Variants in EXOC6B observed in about 807,000 individuals in gnomAD.
EXOC6B encodes SEC15 homolog B.
EXOC6B carries 54 observed loss-of-function variants against 113.5 expected under a neutral mutation model. The ratio of observed to expected loss-of-function variants is 0.48; its 90% CI spans 0.38 to 0.60. The LOEUF (loss-of-function observed/expected upper bound fraction) is 0.60. Among genes scored for constraint, EXOC6B ranks in the 20% least tolerant of loss-of-function variants. The pLI is 0.00. For missense variants in EXOC6B, 797 were observed against 977.5 expected (o/e 0.82, Z 2.46); for synonymous variants, 357 against 339.0 (o/e 1.05, Z -0.58).
At chr2:72,392,099 GTCCTGGT>G (rs1292291223) in intron 18 of EXOC6B, among the ~76,000 whole-genome samples, 1 of 152,034 alleles carries the variant, frequency 6.6e-6, no homozygotes, top group African/African-American at 2.4e-5. Context: ...GGCTGTGCAG[GTCCTGGT>G]TCCTCATTTC....
chr2:72,735,212 C>G (rs1253653372), intron 2 of EXOC6B, among the ~76,000 whole-genome samples: 1 of 152,144 alleles, frequency 6.6e-6, no homozygotes, highest in African/African-American at 2.4e-5. Flanking sequence ...GCAACATTAT[C>G]TACTAGAGTA....
intron 17 of EXOC6B, among the ~76,000 whole-genome samples, chr2:72,466,355 A>G (rs1179449964): frequency 6.6e-6 from 1 of 151,318 alleles, no homozygotes; most frequent in Non-Finnish European, 1.5e-5. Flanking sequence ...AAAAAAAAAA[A>G]AAAAAGAAAA....
intron 18 of EXOC6B, among the ~76,000 whole-genome samples, chr2:72,456,076 T>C (rs898351695): frequency 2.0e-5 from 3 of 152,146 alleles, no homozygotes; most frequent in African/African-American, 7.2e-5. Context: ...TGACTGTCCG[T>C]ATATCATAGA....
chr2:72,803,485 T>C (rs1179962477), intron 1 of EXOC6B, among the ~76,000 whole-genome samples: 1 of 152,166 alleles, frequency 6.6e-6, no homozygotes, highest in Non-Finnish European at 1.5e-5. Flanking sequence ...TAAGGCTTCA[T>C]TTACGAAATT....
Position 72,575,493 on chromosome 2 carries a change from T to C in EXOC6B, c.845A>G (p.Glu282Gly). 1.9e-6 allele frequency: 3 copies of C among 1,604,526 alleles called. No homozygotes were observed. The highest frequency in any genetic ancestry group is 1.1e-5 in the South Asian group (1 of 88,830). ...TTCCCAACATCAAATGTTACTTACC[T>C]CTTCATCATCTTCCTCGTCTTCAAC... ...LDVEDEEDDE[E>G]VPGAQDLVDF... Residue 282 changes from glutamate to glycine, a missense_variant and splice_region_variant, in exon 7 of 22, where the codon GAG (glutamate) becomes GGG (glycine). By Grantham distance (98) the Glu-to-Gly change is moderately conservative. Transcript: ENST00000272427.
intron 18 of EXOC6B, among the ~76,000 whole-genome samples, chr2:72,444,192 C>A (rs771883740): frequency 6.6e-6 from 1 of 152,230 alleles, no homozygotes; most frequent in Non-Finnish European, 1.5e-5. Context: ...TCCAGCAGGG[C>A]AGTCAAATCT....
At chr2:72,393,579 G>T (rs1183199365) in intron 18 of EXOC6B, among the ~76,000 whole-genome samples, 1 of 152,092 alleles carries the variant, frequency 6.6e-6, no homozygotes, top group East Asian at 1.9e-4. Flanking sequence ...TGATACCATG[G>T]TATCACAATT....
In EXOC6B at chr2:72,797,839, TAA is replaced by T. The variant is rs200772111; in HGVS notation, c.113+27957_113+27958del. 4.5e-3 allele frequency among the ~76,000 whole-genome samples: 595 copies of T among 130,938 alleles called. 5 individuals are homozygous for T. Among genetic ancestry groups the T allele is most frequent in the African/African-American group, 0.015 (568 of 37,954 alleles). The allele number at this position is 130,938 out of a possible 152,430, so 85.9% of individuals were successfully genotyped here. On this transcript the variant is annotated intron_variant, in intron 1 of 21. Transcript: ENST00000272427. ...ATTAATTAATTAATTAATTAATTAA[TAA>T]TAATAATTATCAGCATATGAAGAAT...
At chr2:72,779,871 A>G (rs1165527139) in intron 1 of EXOC6B, among the ~76,000 whole-genome samples, 2 of 152,232 alleles carry the variant, frequency 1.3e-5, no homozygotes, top group African/African-American at 4.8e-5. Context: ...TCATGGGAAA[A>G]GTCCATTTTA....
intron 20 of EXOC6B, among the ~76,000 whole-genome samples, chr2:72,230,937 T>C (rs1422570644): frequency 2.6e-5 from 4 of 152,188 alleles, no homozygotes; most frequent in African/African-American, 7.2e-5. Flanking sequence ...TGGAGAACAG[T>C]AGTTTTAAAA....
intron 20 of EXOC6B, among the ~76,000 whole-genome samples, chr2:72,236,697 A>C (rs1681978665): frequency 6.6e-6 from 1 of 152,122 alleles, no homozygotes; most frequent in South Asian, 2.1e-4. Context: ...CTTGAAAGAC[A>C]TGGTTATTTT....
At chr2:72,413,343 T>G (rs998081339) in intron 18 of EXOC6B, among the ~76,000 whole-genome samples, 3 of 151,910 alleles carry the variant, frequency 2.0e-5, no homozygotes, top group Non-Finnish European at 2.9e-5. Context: ...TGCCCAAGTT[T>G]CTGACTCAGA....
intron 20 of EXOC6B, among the ~76,000 whole-genome samples, chr2:72,253,299 G>T (rs13389524): frequency 0.12 from 18,174 of 152,128 alleles, 1,338 homozygotes; most frequent in Admixed American, 0.16. Flanking sequence ...ATGTCTGAAA[G>T]AACTTAAAAC....
Position 72,179,041 on chromosome 2 carries a change from G to A in EXOC6B, c.*294C>T, listed in dbSNP as rs1677915758. 1 of 301,130 alleles carries A rather than the reference G, an allele frequency of 3.3e-6. No homozygotes were observed. The highest frequency in any genetic ancestry group is 2.2e-5 in the African/African-American group (1 of 45,832). The allele number at this position is 301,130 out of a possible 1,614,324, so 18.7% of individuals were successfully genotyped here. ...CCCCAGACCTAAGCTTTAGAGCCAT[G>A]GATGAAAGGTGGTTCATCACTGTGG... On this transcript the variant is annotated 3_prime_UTR_variant, in exon 22 of 22. Transcript: ENST00000272427.
intron 20 of EXOC6B, among the ~76,000 whole-genome samples, chr2:72,242,672 A>G (rs987324062): frequency 1.3e-5 from 2 of 152,218 alleles, no homozygotes; most frequent in African/African-American, 4.8e-5. Context: ...TCTAAATGCC[A>G]ATTAAAAGAC....
chr2:72,715,946 A>G (rs1679586319), intron 6 of EXOC6B, among the ~76,000 whole-genome samples: 1 of 152,130 alleles, frequency 6.6e-6, no homozygotes, highest in Non-Finnish European at 1.5e-5. Flanking sequence ...TCTATGTATG[A>G]GAGAAAGAAT....
At chr2:72,777,782 G>A (rs1430623997) in intron 1 of EXOC6B, among the ~76,000 whole-genome samples, 1 of 152,030 alleles carries the variant, frequency 6.6e-6, no homozygotes, top group Non-Finnish European at 1.5e-5. Context: ...ATTGTATAAA[G>A]ATGTAATTTA....
intron 20 of EXOC6B, among the ~76,000 whole-genome samples, chr2:72,255,677 A>G (rs372066806): frequency 1.3e-5 from 2 of 152,162 alleles, no homozygotes; most frequent in African/African-American, 4.8e-5. Context: ...ACAGGTAGAG[A>G]AGAATTTTGC....
At chr2:72,458,058 G>A (rs1239121210) in intron 18 of EXOC6B, among the ~76,000 whole-genome samples, 1 of 151,986 alleles carries the variant, frequency 6.6e-6, no homozygotes, top group African/African-American at 2.4e-5. Flanking sequence ...AGAGAAACTG[G>A]GGATTCCAAA....
Sources: gnomAD v4.1 joint callset for allele counts (sites outside exome capture counted in the v4.1 genomes callset) on GRCh38, gnomAD v4.1.1 for gene constraint, MANE v1.5 for transcripts, NCBI Gene and HGNC (gene_info 2026-07-23, HGNC 2026-07-21) for gene names.